Variants in EFCAB5 observed in about 807,000 individuals in gnomAD.
EFCAB5 encodes the protein EF-hand calcium binding domain 5, also known as EF-hand calcium-binding domain-containing protein 5.
In EFCAB5, 131 loss-of-function variants were observed where a neutral mutation model predicts 167.9. The observed-to-expected ratio is 0.78, with a 90% CI of 0.68 to 0.90. EFCAB5 has a LOEUF of 0.90. Among genes scored for constraint, EFCAB5 ranks in the 40% least tolerant of loss-of-function variants. The probability of loss-of-function intolerance (pLI) is 0.00; values close to 1 mark genes in which losing one functional copy is unlikely to be tolerated. For missense variants in EFCAB5, 1,663 were observed against 1,745.2 expected (o/e 0.95, Z 0.84); for synonymous variants, 574 against 602.8 (o/e 0.95, Z 0.70).
intron 22 of EFCAB5, 59 bp downstream of exon 22, chr17:30,092,995 G>A: frequency 7.4e-7 from 1 of 1,359,034 alleles, no homozygotes; most frequent in Non-Finnish European, 1.0e-6. Flanking sequence ...ACACAGTTGT[G>A]ATTTTTATTA....
At chr17:29,940,933 G>GGGACTACTC (rs544981531), upstream of EFCAB5, among the ~76,000 whole-genome samples, 267 of 151,986 alleles carry the variant, frequency 1.8e-3, no homozygotes, top group Middle Eastern at 3.4e-3. Context: ...CCAGCTACTC[G>GGGACTACTC]GGAGGCTGAG....
intron 8 of EFCAB5, among the ~76,000 whole-genome samples, chr17:30,044,317 C>T (rs1435658095): frequency 1.3e-4 from 20 of 152,228 alleles, no homozygotes; most frequent in Admixed American, 1.3e-3. Context: ...GTGGCTCAAG[C>T]CTGTAATCTC....
chr17:30,016,983 G>T (rs1322845290), intron 7 of EFCAB5, among the ~76,000 whole-genome samples: 1 of 151,958 alleles, frequency 6.6e-6, no homozygotes, highest in Non-Finnish European at 1.5e-5. Context: ...TTTGAGACCA[G>T]CCTGGGCAAC....
upstream of EFCAB5, chr17:29,941,499 G>C (rs895952325): frequency 1.4e-5 from 3 of 217,854 alleles, no homozygotes; most frequent in Non-Finnish European, 1.8e-5. Flanking sequence ...TACTGCTGCT[G>C]TATTTTTTTT....
intron 10 of EFCAB5, 50 bp downstream of exon 10, chr17:30,054,198 T>G (rs1325145911): frequency 1.4e-6 from 2 of 1,463,404 alleles, no homozygotes; most frequent in Admixed American, 5.6e-5. Context: ...TGTGGAATGG[T>G]TTTTAAAGTC....
At chr17:29,937,154 T>C (rs998073748), upstream of EFCAB5, among the ~76,000 whole-genome samples, 1 of 152,278 alleles carries the variant, frequency 6.6e-6, no homozygotes, top group Middle Eastern at 3.4e-3. Context: ...AACAGGCAAG[T>C]TAAATTGGTG....
At chr17:30,096,778 C>G (rs1158359913) in intron 22 of EFCAB5, among the ~76,000 whole-genome samples, 1 of 143,042 alleles carries the variant, frequency 7.0e-6, no homozygotes, top group East Asian at 2.0e-4. Context: ...CTCCCGGGTT[C>G]AAGAGATTCT....
intron 1 of EFCAB5, among the ~76,000 whole-genome samples, chr17:29,934,380 T>C (rs1056756831): frequency 3.5e-4 from 53 of 152,374 alleles, no homozygotes; most frequent in African/African-American, 1.3e-3. Context: ...CAAACACTTT[T>C]TGTGTCAAGT....
chr17:30,091,763 C>T (rs1055770921), intron 20 of EFCAB5, 108 bp from the exon 21 acceptor site: 3 of 1,290,626 alleles, frequency 2.3e-6, no homozygotes, highest in Non-Finnish European at 3.1e-6. Flanking sequence ...TCTGCTTTTT[C>T]TTGACAAAAA....
intron 19 of EFCAB5, among the ~76,000 whole-genome samples, chr17:30,089,591 AT>A (rs1197705680): frequency 6.6e-6 from 1 of 152,170 alleles, no homozygotes; most frequent in Non-Finnish European, 1.5e-5. Context: ...ACTGAGGCAG[AT>A]GCTATAGATG....
rs191714602 is a variant in EFCAB5 at position 29,962,437 on chromosome 17, T to G, written c.191-6354T>G. Among the ~76,000 whole-genome samples, 336 of 152,214 alleles carry G rather than the reference T, an allele frequency of 2.2e-3. 2 individuals are homozygous for G. Among genetic ancestry groups the G allele is most frequent in the African/African-American group, 7.6e-3 (315 of 41,550 alleles). On this transcript the variant is annotated intron_variant, in intron 3 of 22. Transcript: ENST00000394835. ...TTCCTAAGTATTCTATTCTTTTAGC[T>G]GCTTTTATAAATGGAATTGCTTTCC...
chr17:30,016,517 A>G (rs1446584900), intron 7 of EFCAB5, among the ~76,000 whole-genome samples: 3 of 152,190 alleles, frequency 2.0e-5, no homozygotes, highest in East Asian at 1.9e-4. Flanking sequence ...ATTAATATCA[A>G]TAACTCATTA....
chr17:29,992,718 C>T (rs1413360734), intron 4 of EFCAB5, among the ~76,000 whole-genome samples: 1 of 152,202 alleles, frequency 6.6e-6, no homozygotes, highest in Non-Finnish European at 1.5e-5. Context: ...GGTTCTATCA[C>T]TTGGCTATTA....
chr17:30,012,234 G>T (rs566623532), intron 7 of EFCAB5, among the ~76,000 whole-genome samples: 1 of 152,242 alleles, frequency 6.6e-6, no homozygotes, highest in South Asian at 2.1e-4. Flanking sequence ...TTCCCAGGGG[G>T]AGTTTGGAGA....
At chr17:30,079,340 G>A (rs1461982804) in intron 15 of EFCAB5, among the ~76,000 whole-genome samples, 1 of 152,154 alleles carries the variant, frequency 6.6e-6, no homozygotes, top group African/African-American at 2.4e-5. Flanking sequence ...GATCTTGTAT[G>A]TGGAAAGAAG....
intron 14 of EFCAB5, chr17:30,073,098 C>T (rs764068709): frequency 4.4e-6 from 3 of 680,640 alleles, no homozygotes; most frequent in South Asian, 3.1e-5. Flanking sequence ...ACTCTGTCGC[C>T]AGGCTGGAGT....
chr17:29,934,586 T>C (rs2067229856), intron 1 of EFCAB5, among the ~76,000 whole-genome samples: 1 of 152,244 alleles, frequency 6.6e-6, no homozygotes, highest in Admixed American at 6.5e-5. Flanking sequence ...CTGCATTTCC[T>C]GGCCTTATCT....
intron 7 of EFCAB5, among the ~76,000 whole-genome samples, chr17:30,009,918 C>T (rs534821217): frequency 7.2e-5 from 11 of 152,124 alleles, no homozygotes; most frequent in Admixed American, 2.0e-4. Flanking sequence ...CCCATTAACT[C>T]GTCATTTGCA....
chr17:30,106,961 A>C (rs2071457406), intron 22 of EFCAB5, among the ~76,000 whole-genome samples: 1 of 152,208 alleles, frequency 6.6e-6, no homozygotes, highest in African/African-American at 2.4e-5. Flanking sequence ...AACAATTCTT[A>C]CAATTTTGTT....
Sources: allele counts gnomAD v4.1 joint callset (sites outside exome capture counted in the v4.1 genomes callset), GRCh38; gene constraint gnomAD v4.1.1; transcripts MANE v1.5; gene names NCBI Gene and HGNC (gene_info 2026-07-23, HGNC 2026-07-21).